The following CLECL1 variants were observed in gnomAD, a reference collection of about 807,000 sequenced individuals.
CLECL1 encodes the protein C-type lectin-like domain family 1.
chr12:9,731,069 T>C (rs1173041179), intron 1 of CLECL1, among the ~76,000 whole-genome samples: 1 of 152,190 alleles, frequency 6.6e-6, no homozygotes, highest in Non-Finnish European at 1.5e-5. Context: ...ATAAAAAGAC[T>C]AACATAAAAG....
intron 2 of CLECL1, among the ~76,000 whole-genome samples, chr12:9,727,822 C>T (rs907982016): frequency 6.6e-6 from 1 of 151,732 alleles, no homozygotes; most frequent in Non-Finnish European, 1.5e-5. Context: ...AACATAACTA[C>T]TCTTTCCTAG....
At chr12:9,717,702 G>T (rs185888491), downstream of CLECL1, among the ~76,000 whole-genome samples, 2 of 152,230 alleles carry the variant, frequency 1.3e-5, no homozygotes, top group Admixed American at 1.3e-4. Context: ...GACTATATTT[G>T]CCTGGGTCTA....
downstream of CLECL1, among the ~76,000 whole-genome samples, chr12:9,720,562 G>A (rs751021395): frequency 3.9e-5 from 6 of 151,970 alleles, no homozygotes; most frequent in East Asian, 3.8e-4. Flanking sequence ...GGCTGGTCTC[G>A]AACTCCCGAC....
chr12:9,710,923 A>C (rs148040840), downstream of CLECL1, among the ~76,000 whole-genome samples: 71 of 152,326 alleles, frequency 4.7e-4, no homozygotes, highest in Middle Eastern at 3.4e-3. Flanking sequence ...CTCCAAGCCC[A>C]TATGTGATCT....
At chr12:9,702,302 TCTC>T in the CLECL1 span, among the ~76,000 whole-genome samples, 1 of 152,154 alleles carries the variant, frequency 6.6e-6, no homozygotes, top group Non-Finnish European at 1.5e-5. Context: ...GACAAACTCT[TCTC>T]CGAGGTCCCA....
At chr12:9,724,856 G>T (rs1866360004) in intron 3 of CLECL1, among the ~76,000 whole-genome samples, 1 of 152,050 alleles carries the variant, frequency 6.6e-6, no homozygotes, top group Admixed American at 6.5e-5. Context: ...AGCCTAAGCA[G>T]GTAAATATTA....
At chr12:9,733,218 G>T, upstream of CLECL1, 4 of 1,613,064 alleles carry the variant, frequency 2.5e-6, no homozygotes, top group Non-Finnish European at 3.4e-6. Context: ...AATCAAGGTA[G>T]CAGATTTCTC....
the CLECL1 span, among the ~76,000 whole-genome samples, chr12:9,708,031 G>A: frequency 5.9e-5 from 9 of 152,150 alleles, no homozygotes; most frequent in Non-Finnish European, 8.8e-5. Context: ...CCCACTTCGG[G>A]TGCCTGGGTG....
At chr12:9,733,351 A>AT (rs1161221630), upstream of CLECL1, 10 of 888,778 alleles carry the variant, frequency 1.1e-5, no homozygotes, top group African/African-American at 1.5e-4. Context: ...ATATCTCACC[A>AT]TTTTCTCCTA....
chr12:9,731,599 C>T (rs767543243), intron 1 of CLECL1, among the ~76,000 whole-genome samples: 15 of 152,288 alleles, frequency 9.8e-5, no homozygotes, highest in South Asian at 6.2e-4. Flanking sequence ...ACAAAAGTTG[C>T]GTTTATCTAA....
downstream of CLECL1, among the ~76,000 whole-genome samples, chr12:9,720,578 G>T (rs928522874): frequency 3.3e-5 from 5 of 152,092 alleles, no homozygotes; most frequent in African/African-American, 1.2e-4. Flanking sequence ...CCGACCTCAG[G>T]TCATCTGACC....
chr12:9,705,364 C>A, the CLECL1 span, among the ~76,000 whole-genome samples: 3 of 151,904 alleles, frequency 2.0e-5, no homozygotes, highest in South Asian at 4.2e-4. Context: ...GTTGTTTACT[C>A]TGTTGATAGT....
chr12:9,725,887 A>G (rs1029731646), intron 3 of CLECL1, among the ~76,000 whole-genome samples: 1 of 152,026 alleles, frequency 6.6e-6, no homozygotes, highest in Non-Finnish European at 1.5e-5. Context: ...GTAATAATCT[A>G]TATATTGGTG....
At chr12:9,710,814 T>TGGGCCACTG in the CLECL1 span, among the ~76,000 whole-genome samples, 1 of 152,166 alleles carries the variant, frequency 6.6e-6, no homozygotes, top group Non-Finnish European at 1.5e-5. Flanking sequence ...GAGGACAGTC[T>TGGGCCACTG]GGGCCACTGA....
chr12:9,715,554 C>T (rs1866229097), downstream of CLECL1, among the ~76,000 whole-genome samples: 1 of 152,144 alleles, frequency 6.6e-6, no homozygotes, highest in African/African-American at 2.4e-5. Context: ...CTTAACTTGT[C>T]CTACCTCAGT....
chr12:9,719,813 T>G (rs756536058), downstream of CLECL1, among the ~76,000 whole-genome samples: 4 of 152,218 alleles, frequency 2.6e-5, no homozygotes, highest in Non-Finnish European at 5.9e-5. Context: ...TCACACACTT[T>G]AAATTCCTGT....
intron 1 of CLECL1, among the ~76,000 whole-genome samples, chr12:9,729,808 C>A (rs771952895): frequency 1.1e-4 from 16 of 152,078 alleles, no homozygotes; most frequent in Admixed American, 6.5e-5. Flanking sequence ...TATGTAGACC[C>A]AGCTTCTTTT....
downstream of CLECL1, among the ~76,000 whole-genome samples, chr12:9,721,770 G>A (rs111681681): frequency 1.2e-4 from 19 of 152,264 alleles, no homozygotes; most frequent in Middle Eastern, 6.8e-3. Context: ...AACAAACAAA[G>A]GTCTCTTATC....
intron 1 of CLECL1, among the ~76,000 whole-genome samples, chr12:9,732,007 A>G (rs761568875): frequency 6.6e-6 from 1 of 152,318 alleles, no homozygotes; most frequent in Admixed American, 6.5e-5. Flanking sequence ...AAAGTGCCTA[A>G]GCTGGAAGAA....
Sources: allele counts gnomAD v4.1 joint callset (sites outside exome capture counted in the v4.1 genomes callset), GRCh38; gene constraint gnomAD v4.1.1; transcripts MANE v1.5; gene names NCBI Gene and HGNC (gene_info 2026-07-23, HGNC 2026-07-21).